Variants in SNRPD2 observed in about 807,000 individuals in gnomAD.
The protein encoded by SNRPD2 is small nuclear ribonucleoprotein Sm D2.
In SNRPD2, 1 loss-of-function variant was observed where a neutral mutation model predicts 11.5. The observed-to-expected ratio is 0.09, with a 90% CI of 0.03 to 0.41. The LOEUF (loss-of-function observed/expected upper bound fraction) is 0.41. Ranked by LOEUF, SNRPD2 falls within the 10% of genes least tolerant of loss-of-function variation. The pLI is 0.98. For synonymous variants in SNRPD2, 63 were observed against 61.5 expected (o/e 1.02, Z -0.12); for missense variants, 77 against 154.9 (o/e 0.50, Z 2.67).
At chr19:45,692,119 G>T, upstream of SNRPD2, 1 of 1,046,068 alleles carries the variant, frequency 9.6e-7, no homozygotes. Context: ...CACGGGGGCA[G>T]ATGTTTATGA....
In SNRPD2 at chr19:45,688,482, G is replaced by C. The variant is rs148057996; in HGVS notation, c.87C>G (p.Leu29=). The change falls in exon 2 of 3, where the codon CTC becomes CTG. Residue 29 remains leucine, a synonymous_variant. Coordinates refer to ENST00000342669, the MANE Select transcript of SNRPD2 (RefSeq NM_001384647.1). This position sits in a 1 kb window ranked among gnomAD's most constrained non-coding sequence, Gnocchi z 4.1. ...REEEEFNTGP[L]SVLTQSVKNN... ...TCTTGACTGACTGTGTGAGCACAGA[G>C]AGTGGACCGGTGTTAAATTCCTCCT... 447 of 1,613,838 alleles carry C rather than the reference G, an allele frequency of 2.8e-4. No homozygotes were observed. Among genetic ancestry groups the C allele is most frequent in the Non-Finnish European group, 3.4e-4 (406 of 1,179,804 alleles).
rs1967573625 is a variant in SNRPD2 at position 45,691,953 on chromosome 19, G to A, written c.-65C>T. On this transcript the variant is annotated 5_prime_UTR_variant, in exon 1 of 3. Coordinates refer to ENST00000342669, the MANE Select transcript of SNRPD2 (RefSeq NM_001384647.1). ...CGTTGCTGCTGCCTGAGGAGAGAGA[G>A]GCGGGACTTCCTCTTCCTGCGACCC... The A allele has an allele frequency of 2.5e-6, 4 of 1,613,852 alleles. No homozygotes were observed. Among genetic ancestry groups the A allele is most frequent in the African/African-American group, 2.7e-5 (2 of 75,064 alleles).
chr19:45,689,154 C>CA (rs1214361792), intron 1 of SNRPD2: 1 of 518,146 alleles, frequency 1.9e-6, no homozygotes, highest in African/African-American at 1.9e-5. Flanking sequence ...GTTCTCTGGG[C>CA]AAAAACTCTT....
At chr19:45,691,708 G>A in intron 1 of SNRPD2, 179 bp downstream of exon 1, 1 of 770,064 alleles carries the variant, frequency 1.3e-6, no homozygotes, top group Non-Finnish European at 2.3e-6. Flanking sequence ...CTCTCCCGAA[G>A]TCACGATGCG....
chr19:45,689,333 G>A (rs1238580688), intron 1 of SNRPD2: 3 of 516,482 alleles, frequency 5.8e-6, no homozygotes, highest in Admixed American at 3.9e-5. Flanking sequence ...TGGTCTGAGG[G>A]GGTTGTGCTA....
chr19:45,692,093 C>T (rs1265917090), upstream of SNRPD2: 65 of 1,414,962 alleles, frequency 4.6e-5, no homozygotes, highest in Non-Finnish European at 8.5e-6. Flanking sequence ...TAGGGGTTCG[C>T]GGCCAGTCAG....
At position 45,688,601 on chromosome 19, in the gene SNRPD2, A is replaced by G; in HGVS notation, c.3-35T>C. On this transcript the variant is annotated intron_variant, in intron 1 of 2. Transcript: ENST00000342669. The surrounding 1 kb of genome is among the most constrained non-coding windows in gnomAD (Gnocchi z 4.1). ...CAAACATGGAACCAATAAGTGAGAG[A>G]GGCTGGAGTTGAGAGGCTGGAGCTG... 1 of 1,576,924 alleles carries G rather than the reference A, an allele frequency of 6.3e-7. No homozygotes were observed. Among genetic ancestry groups the G allele is most frequent in the Non-Finnish European group, 8.7e-7 (1 of 1,146,550 alleles).
chr19:45,692,042 T>A (rs150953886), upstream of SNRPD2: 1,229 of 1,585,884 alleles, frequency 7.7e-4, 16 homozygotes, highest in East Asian at 0.023. Context: ...GCCACAGCAT[T>A]CCCCACCAAC....
chr19:45,688,633 T>G lies in SNRPD2; in HGVS notation c.3-67A>C. ...AGTTGAGAGGCTGGAGCTGTGAGGA[T>G]GGGTGATCAGGGCCTTGGCTTCAGT... On this transcript the variant is annotated intron_variant, in intron 1 of 2. Transcript: ENST00000342669. The surrounding 1 kb of genome is among the most constrained non-coding windows in gnomAD (Gnocchi z 4.1). 7.7e-7 allele frequency: 1 copy of G among 1,302,084 alleles called. No individual in the cohort carries two copies. The highest frequency in any genetic ancestry group is 1.1e-6 in the Non-Finnish European group (1 of 903,636). The allele number at this position is 1,302,084 out of a possible 1,614,324, so 80.7% of individuals were successfully genotyped here. A position where few individuals can be genotyped will look rare whatever the true frequency, so the allele number is the denominator to read the frequency against.
intron 1 of SNRPD2, among the ~76,000 whole-genome samples, chr19:45,690,831 CAAAAAAAA>C (rs34253731): frequency 4.6e-5 from 4 of 87,430 alleles, no homozygotes; most frequent in Admixed American, 1.4e-4. Context: ...GGCTCCGTCT[CAAAAAAAA>C]AAAAAAAAAG....
At chr19:45,690,164 T>C (rs1967500783) in intron 1 of SNRPD2, among the ~76,000 whole-genome samples, 1 of 150,342 alleles carries the variant, frequency 6.7e-6, no homozygotes, top group Non-Finnish European at 1.5e-5. Flanking sequence ...ACCCCGTCTC[T>C]ACTGAAAATA....
intron 1 of SNRPD2, among the ~76,000 whole-genome samples, chr19:45,689,065 G>A (rs976402981): frequency 6.6e-6 from 1 of 151,986 alleles, no homozygotes; most frequent in Non-Finnish European, 1.5e-5. Flanking sequence ...CTCAGGTCGG[G>A]ATCCAGATCA....
chr19:45,688,392 G>A lies in SNRPD2; in HGVS notation c.177C>T (p.Phe59=), dbSNP rs371957629. 9.3e-6 allele frequency: 15 copies of A among 1,613,984 alleles called. No homozygotes were observed. Among genetic ancestry groups the A allele is most frequent in the African/African-American group, 8.0e-5 (6 of 74,918 alleles). ...TCCCAGGACCCAGCACTCACCTATC[G>A]AAGGCCTTCACGCGGCCCAGGAGTT... is the stretch of plus-strand genomic sequence containing the variant. ...NKKLLGRVKA[F]DRHCNMVLEN... The change falls in exon 2 of 3, where the codon TTC becomes TTT. Residue 59 remains phenylalanine, a synonymous_variant. Transcript: ENST00000342669. The surrounding 1 kb of genome is among the most constrained non-coding windows in gnomAD (Gnocchi z 4.1).
At chr19:45,692,105 A>G, upstream of SNRPD2, 3 of 1,214,500 alleles carry the variant, frequency 2.5e-6, no homozygotes, top group Non-Finnish European at 3.4e-6. Flanking sequence ...GCCAGTCAGA[A>G]CCACACGGGG....
upstream of SNRPD2, chr19:45,692,161 C>T: frequency 1.5e-6 from 1 of 646,598 alleles, no homozygotes; most frequent in South Asian, 2.0e-5. Flanking sequence ...CAGTCTGATT[C>T]AAACCGTTTC....
chr19:45,690,298 C>T (rs1967504165), intron 1 of SNRPD2, among the ~76,000 whole-genome samples: 1 of 144,032 alleles, frequency 6.9e-6, no homozygotes, highest in Non-Finnish European at 1.5e-5. Context: ...CGCCACTGCA[C>T]GCCAGCCTGG....
chr19:45,691,685 A>C lies in SNRPD2; in HGVS notation c.2+202T>G, dbSNP rs1457931344. ...CGCGCCCAGCCCAGGGCGTTATCTG[A>C]TAAAGCTGTCCCCTCTCCCGAAGTC... On this transcript the variant is annotated intron_variant, in intron 1 of 2. Transcript: ENST00000342669. The C allele has an allele frequency of 1.0e-5, 7 of 699,644 alleles. No homozygotes were observed. In the Admixed American group the frequency reaches 1.0e-4, roughly 10 times the overall value. 43.3% of individuals were successfully genotyped at this position (699,644 alleles called of 1,614,324 possible).
At chr19:45,689,110 C>T in intron 1 of SNRPD2, 1 of 404,744 alleles carries the variant, frequency 2.5e-6, no homozygotes, top group Non-Finnish European at 4.9e-6. Context: ...CTACAGCGTT[C>T]CCCATCTGCT....
At chr19:45,689,251 C>T (rs1341170431) in intron 1 of SNRPD2, 1 of 520,194 alleles carries the variant, frequency 1.9e-6, no homozygotes, top group South Asian at 1.4e-5. Context: ...AAGCCTCTGT[C>T]ATCTCTGTCC....
Sources: gnomAD v4.1 joint callset for allele counts (sites outside exome capture counted in the v4.1 genomes callset) on GRCh38, gnomAD v4.1.1 for gene constraint, Gnocchi (gnomAD v3.1) non-coding constraint, MANE v1.5 for transcripts, NCBI Gene and HGNC (gene_info 2026-07-23, HGNC 2026-07-21) for gene names.